FAM135B: variants seen among roughly 807,000 people sequenced by gnomAD.
FAM135B encodes the protein family with sequence similarity 135 member B, also known as protein FAM135B.
FAM135B carries 43 observed loss-of-function variants against 127.7 expected under a neutral mutation model. The ratio of observed to expected loss-of-function variants is 0.34; its 90% confidence interval spans 0.26 to 0.43. The LOEUF is 0.43. Ranked by LOEUF, FAM135B falls within the 20% of genes least tolerant of loss-of-function variation. The pLI is 1.00. For synonymous variants in FAM135B, 670 were observed against 665.1 expected (o/e 1.01, Z -0.11); for missense variants, 1,558 against 1,725.6 (o/e 0.90, Z 1.72).
chr8:138,397,475 TTAAA>T (rs1832915506), intron 1 of FAM135B, among the ~76,000 whole-genome samples: 1 of 152,184 alleles, frequency 6.6e-6, no homozygotes, highest in South Asian at 2.1e-4. Context: ...ATTGTACACT[TTAAA>T]TAGTTGATTT....
intron 12 of FAM135B, among the ~76,000 whole-genome samples, chr8:138,164,935 G>A (rs543123762): frequency 2.6e-5 from 4 of 152,208 alleles, no homozygotes; most frequent in Admixed American, 6.5e-5. Context: ...GGAACCACAC[G>A]TTCGGACAAT....
chr8:138,143,066 A>C lies in FAM135B; in HGVS notation c.3584T>G (p.Leu1195Trp). 1 of 1,611,204 alleles carries C rather than the reference A, an allele frequency of 6.2e-7. No homozygotes were observed. Among genetic ancestry groups the C allele is most frequent in the Non-Finnish European group, 8.5e-7 (1 of 1,177,310 alleles). ...ADFDTMTDRL[L>W]DEIIQHIQLY... is the part of the protein sequence containing the mutation. ...CTGAATGTGTTGAATGATTTCATCC[A>C]ATAACCGATCCGTCATAGTATCAAA... Residue 1195 changes from leucine to tryptophan, a missense_variant, in exon 16 of 20, where the codon TTG becomes TGG. By Grantham distance (61) the Leu-to-Trp change is moderately conservative. Transcript: ENST00000395297.
At chr8:138,133,556 T>G (rs573876059) in intron 19 of FAM135B, among the ~76,000 whole-genome samples, 225 of 152,330 alleles carry the variant, frequency 1.5e-3, no homozygotes, top group Middle Eastern at 3.4e-3. Flanking sequence ...GCTGGGATAT[T>G]TTACTTTTGA....
chr8:138,378,147 G>A (rs958223975), intron 1 of FAM135B, among the ~76,000 whole-genome samples: 1 of 152,212 alleles, frequency 6.6e-6, no homozygotes, highest in Admixed American at 6.5e-5. Flanking sequence ...AGGGACACAG[G>A]AAATCTGAGC....
intron 18 of FAM135B, among the ~76,000 whole-genome samples, chr8:138,138,448 G>T (rs1816847047): frequency 6.6e-6 from 1 of 152,216 alleles, no homozygotes; most frequent in Non-Finnish European, 1.5e-5. Context: ...TGGACATGGG[G>T]ACCACTCGGC....
intron 1 of FAM135B, among the ~76,000 whole-genome samples, chr8:138,451,772 C>G (rs1360359395): frequency 6.6e-6 from 1 of 152,114 alleles, no homozygotes; most frequent in Admixed American, 6.5e-5. Context: ...CCCAGGGTCC[C>G]CAACAGTGCC....
At chr8:138,195,633 TACACACACACAC>T (rs34987954) in intron 8 of FAM135B, among the ~76,000 whole-genome samples, 1 of 149,668 alleles carries the variant, frequency 6.7e-6, no homozygotes, top group Non-Finnish European at 1.5e-5. Context: ...TTTTTGCAGG[TACACACACACAC>T]ACACACACAC....
intron 1 of FAM135B, among the ~76,000 whole-genome samples, chr8:138,433,249 G>A (rs932053134): frequency 7.2e-5 from 11 of 152,090 alleles, no homozygotes; most frequent in African/African-American, 2.2e-4. Flanking sequence ...GGCCGGGCAC[G>A]GTGGCTCATG....
intron 2 of FAM135B, among the ~76,000 whole-genome samples, chr8:138,326,474 A>C (rs761281579): frequency 6.6e-6 from 1 of 152,194 alleles, no homozygotes; most frequent in Admixed American, 6.5e-5. Context: ...GCACAGCTTG[A>C]AATGTCACGA....
At chr8:138,402,417 G>A (rs1249639892) in intron 1 of FAM135B, among the ~76,000 whole-genome samples, 1 of 152,102 alleles carries the variant, frequency 6.6e-6, no homozygotes, top group Non-Finnish European at 1.5e-5. Context: ...AGGTGTGTAA[G>A]GACCAGATGG....
At chr8:138,357,118 T>C (rs1209535285) in intron 2 of FAM135B, among the ~76,000 whole-genome samples, 2 of 152,078 alleles carry the variant, frequency 1.3e-5, no homozygotes, top group Non-Finnish European at 2.9e-5. Flanking sequence ...TAGAGCATAT[T>C]ATTTATATTA....
chr8:138,165,828 T>C (rs950047006), intron 12 of FAM135B, among the ~76,000 whole-genome samples: 1 of 152,218 alleles, frequency 6.6e-6, no homozygotes, highest in African/African-American at 2.4e-5. Flanking sequence ...CTCTGGCCTG[T>C]ACACTTTATA....
chr8:138,369,249 G>A (rs1429452314), intron 1 of FAM135B, among the ~76,000 whole-genome samples: 1 of 152,156 alleles, frequency 6.6e-6, no homozygotes, highest in African/African-American at 2.4e-5. Context: ...GAGGAGAGGG[G>A]AAAGGAAGGG....
At chr8:138,458,487 A>G (rs926937851) in intron 1 of FAM135B, among the ~76,000 whole-genome samples, 1 of 152,220 alleles carries the variant, frequency 6.6e-6, no homozygotes, top group African/African-American at 2.4e-5. Flanking sequence ...GAAGGAGCAG[A>G]GTAGAAAGAA....
chr8:138,178,476 G>T (rs531239764), intron 10 of FAM135B, 59 bp downstream of exon 10: 41 of 1,587,770 alleles, frequency 2.6e-5, no homozygotes, highest in South Asian at 6.7e-5. Context: ...TCTCATAAAG[G>T]TTCCTCCAAA....
chr8:138,291,810 G>A (rs535487418), intron 3 of FAM135B, among the ~76,000 whole-genome samples: 201 of 152,228 alleles, frequency 1.3e-3, no homozygotes, highest in African/African-American at 4.7e-3. Context: ...CAAGCCTACA[G>A]CTAACATCAT....
chr8:138,142,233 A>G (rs1026742906), intron 16 of FAM135B, among the ~76,000 whole-genome samples: 1 of 151,564 alleles, frequency 6.6e-6, no homozygotes, highest in African/African-American at 2.4e-5. Flanking sequence ...TGTAAGAATA[A>G]AAGTAGTGCT....
At chr8:138,161,050 G>T (rs1819341163) in intron 12 of FAM135B, among the ~76,000 whole-genome samples, 1 of 152,046 alleles carries the variant, frequency 6.6e-6, no homozygotes, top group Non-Finnish European at 1.5e-5. Context: ...CTCTACAATG[G>T]GAAGATTCAA....
In FAM135B at chr8:138,137,163, G is replaced by A. The variant is rs6577876; in HGVS notation, c.3999C>T (p.Leu1333=). ...SARIEMCKTA[L]KDRHTGPVYA... is the part of the protein sequence containing the mutation. Reference sequence around the variant, plus strand: ...GTAGCTTACCTGTGTGTCTGTCTTTGAGGGCAGTTTTACACATTTCAATCC... The same window carrying A: ...GTAGCTTACCTGTGTGTCTGTCTTTAAGGGCAGTTTTACACATTTCAATCC... Residue 1333 remains leucine, a synonymous_variant, in exon 19 of 20, where the codon CTC becomes CTT. Coordinates refer to ENST00000395297, the MANE Select transcript of FAM135B (RefSeq NM_015912.4). 398,715 of 1,561,250 alleles carry A rather than the reference G, an allele frequency of 0.26. 54,511 individuals are homozygous for A. The highest frequency in any genetic ancestry group is 0.31 in the African/African-American group (22,617 of 73,766).
Sources: gnomAD v4.1 joint callset for allele counts (sites outside exome capture counted in the v4.1 genomes callset) on GRCh38, gnomAD v4.1.1 for gene constraint, MANE v1.5 for transcripts, NCBI Gene and HGNC (gene_info 2026-07-23, HGNC 2026-07-21) for gene names.